Variants in NEGR1 observed in about 807,000 individuals in gnomAD.
The protein encoded by NEGR1 is IgLON family member 4.
NEGR1 carries 10 observed loss-of-function variants against 40.9 expected under a neutral mutation model. The ratio of observed to expected loss-of-function variants is 0.24; its 90% CI spans 0.15 to 0.42. The LOEUF is 0.42. Among genes scored for constraint, NEGR1 ranks in the 10% least tolerant of loss-of-function variants. The pLI, the probability that NEGR1 is intolerant of heterozygous loss-of-function variation, is 1.00. For synonymous variants in NEGR1, 185 were observed against 166.8 expected (o/e 1.11, Z -0.84); for missense variants, 352 against 438.9 (o/e 0.80, Z 1.77).
chr1:71,861,834 C>G (rs1035263857), intron 2 of NEGR1, among the ~76,000 whole-genome samples: 4 of 151,926 alleles, frequency 2.6e-5, no homozygotes, highest in Non-Finnish European at 5.9e-5. Context: ...TTACTCAACA[C>G]AGTAGAACAG....
intron 1 of NEGR1, among the ~76,000 whole-genome samples, chr1:72,091,800 C>G (rs112803572): frequency 0.033 from 5,050 of 152,186 alleles, 289 homozygotes; most frequent in African/African-American, 0.12. Flanking sequence ...CCTGGACACA[C>G]AGAAGTCCAA....
At chr1:71,489,056 C>T (rs143312319) in intron 6 of NEGR1, among the ~76,000 whole-genome samples, 18 of 151,248 alleles carry the variant, frequency 1.2e-4, no homozygotes, top group Non-Finnish European at 1.6e-4. Flanking sequence ...ATAAACATAG[C>T]CTGTTTTTCC....
At chr1:71,984,944 A>G (rs1646382428) in intron 1 of NEGR1, among the ~76,000 whole-genome samples, 1 of 152,188 alleles carries the variant, frequency 6.6e-6, no homozygotes, top group Non-Finnish European at 1.5e-5. Flanking sequence ...TATTATAAAT[A>G]AATAAATTCT....
intron 1 of NEGR1, among the ~76,000 whole-genome samples, chr1:72,074,477 C>A (rs2100515850): frequency 6.6e-6 from 1 of 151,916 alleles, no homozygotes; most frequent in East Asian, 1.9e-4. Context: ...CACTGCTGTT[C>A]CAGGTTTTAT....
At chr1:71,430,946 A>G (rs949861628) in intron 6 of NEGR1, among the ~76,000 whole-genome samples, 3 of 152,048 alleles carry the variant, frequency 2.0e-5, no homozygotes, top group Non-Finnish European at 2.9e-5. Context: ...TTTTTAGTAG[A>G]GACAGGGTTT....
intron 6 of NEGR1, among the ~76,000 whole-genome samples, chr1:71,561,128 G>A (rs907618393): frequency 1.3e-4 from 19 of 151,520 alleles, no homozygotes; most frequent in Admixed American, 3.3e-4. Flanking sequence ...AGAGGTAACC[G>A]TCAAACTCAC....
chr1:71,587,289 G>A (rs980846110), intron 6 of NEGR1, among the ~76,000 whole-genome samples: 4 of 152,218 alleles, frequency 2.6e-5, no homozygotes, highest in East Asian at 1.9e-4. Flanking sequence ...GGTACTGTTC[G>A]CTTGCATCGG....
At chr1:71,876,119 C>T (rs1037504363) in intron 2 of NEGR1, among the ~76,000 whole-genome samples, 4 of 152,088 alleles carry the variant, frequency 2.6e-5, no homozygotes, top group African/African-American at 9.7e-5. Flanking sequence ...TTTGGGAGGG[C>T]AGTCTTAAAT....
intron 2 of NEGR1, among the ~76,000 whole-genome samples, chr1:71,841,850 T>C (rs773417953): frequency 4.6e-5 from 7 of 152,158 alleles, no homozygotes; most frequent in Non-Finnish European, 8.8e-5. Context: ...TTTTATATTG[T>C]CAACTAGTTG....
chr1:71,907,145 T>TAACGTTG, intron 2 of NEGR1, among the ~76,000 whole-genome samples: 1 of 152,178 alleles, frequency 6.6e-6, no homozygotes, highest in African/African-American at 2.4e-5. Flanking sequence ...AAATATCATT[T>TAACGTTG]CAAATTTAGC....
chr1:71,686,989 T>A (rs918362294), intron 4 of NEGR1, among the ~76,000 whole-genome samples: 1 of 152,194 alleles, frequency 6.6e-6, no homozygotes, highest in African/African-American at 2.4e-5. Context: ...TCCATCCTAT[T>A]ATGTAAATGT....
In NEGR1 at chr1:72,192,913, T is replaced by C. The variant is rs116799481; in HGVS notation, c.176+89406A>G. On this transcript the variant is annotated intron_variant, in intron 1 of 6. Transcript: ENST00000357731. ...AATTAGGTTATTGATGGCCTGATCA[T>C]GTCTTATTTGTTTCTTTTTCTTATT... Among the ~76,000 whole-genome samples the C allele has an allele frequency of 7.7e-3, 1,168 of 151,972 alleles. 11 individuals carry two copies. Among genetic ancestry groups the C allele is most frequent in the African/African-American group, 0.026 (1,078 of 41,538 alleles).
At chr1:71,742,076 T>C (rs565820751) in intron 3 of NEGR1, among the ~76,000 whole-genome samples, 26 of 152,236 alleles carry the variant, frequency 1.7e-4, no homozygotes, top group Non-Finnish European at 2.6e-4. Context: ...AATTAGGTCA[T>C]GGGAGTGGGG....
intron 1 of NEGR1, among the ~76,000 whole-genome samples, chr1:71,992,815 T>G (rs980919395): frequency 1.3e-5 from 2 of 152,096 alleles, no homozygotes; most frequent in Non-Finnish European, 2.9e-5. Flanking sequence ...GAAAACTGAG[T>G]TTTTAAAATC....
At chr1:71,642,011 C>T (rs1651371185) in intron 4 of NEGR1, among the ~76,000 whole-genome samples, 2 of 151,926 alleles carry the variant, frequency 1.3e-5, no homozygotes, top group Admixed American at 6.6e-5. Flanking sequence ...AGTGCATTTA[C>T]CTGATAGCTC....
intron 1 of NEGR1, among the ~76,000 whole-genome samples, chr1:72,051,748 T>C (rs1647063689): frequency 6.6e-6 from 1 of 151,470 alleles, no homozygotes; most frequent in Admixed American, 6.6e-5. Context: ...CACTATTTTC[T>C]AAGCTGTCAT....
chr1:71,535,728 TG>T (rs1647490659), intron 6 of NEGR1, among the ~76,000 whole-genome samples: 1 of 151,664 alleles, frequency 6.6e-6, no homozygotes, highest in African/African-American at 2.4e-5. Flanking sequence ...GAAAAGCTGG[TG>T]CTACAGGCAG....
chr1:71,736,174 T>G (rs1009246240), intron 3 of NEGR1, among the ~76,000 whole-genome samples: 1 of 152,146 alleles, frequency 6.6e-6, no homozygotes, highest in Non-Finnish European at 1.5e-5. Context: ...TTCTAACTTT[T>G]AAAATTATAT....
chr1:72,005,163 C>A (rs1191452600), intron 1 of NEGR1, among the ~76,000 whole-genome samples: 1 of 152,012 alleles, frequency 6.6e-6, no homozygotes, highest in Non-Finnish European at 1.5e-5. Flanking sequence ...ATATTTGGCA[C>A]CTAAGCTCTG....
Sources: gnomAD v4.1 joint callset for allele counts (sites outside exome capture counted in the v4.1 genomes callset) on GRCh38, gnomAD v4.1.1 for gene constraint, MANE v1.5 for transcripts, NCBI Gene and HGNC (gene_info 2026-07-23, HGNC 2026-07-21) for gene names.